IDO2: variants seen among roughly 807,000 people sequenced by gnomAD.
IDO2 encodes the protein indoleamine 2,3-dioxygenase-like 1 protein.
A neutral mutation model predicts 45.1 loss-of-function variants in IDO2; 46 were observed. The ratio of observed to expected loss-of-function variants is 1.02; its 90% confidence interval spans 0.80 to 1.30. The LOEUF is 1.30. IDO2 is among the 50% of genes most tolerant of loss of function. The pLI, the probability that IDO2 is intolerant of heterozygous loss-of-function variation, is 0.00. For synonymous variants in IDO2, 218 were observed against 184.9 expected (o/e 1.18, Z -1.45); for missense variants, 544 against 491.8 (o/e 1.11, Z -1.00).
chr8:39,941,221 C>CAAAAAAAAAAAAA lies in IDO2; in HGVS notation c.-18+6009_-18+6021dup, dbSNP rs59745370. 9.9e-5 allele frequency among the ~76,000 whole-genome samples: 8 copies of CAAAAAAAAAAAAA among 80,542 alleles called. 1 individual carries two copies. Among genetic ancestry groups the CAAAAAAAAAAAAA allele is most frequent in the African/African-American group, 3.7e-4 (6 of 16,344 alleles). The allele number at this position is 80,542 out of a possible 152,430, so 52.8% of individuals were successfully genotyped here. A position where few individuals can be genotyped will look rare whatever the true frequency, so the allele number is the denominator to read the frequency against. ...TGGGTGACAAAGCAAGACTCCATCTCAAAAAAAAAAAAAAAAAAGCCTCCT... is the reference window on the plus strand; with the variant it reads ...TGGGTGACAAAGCAAGACTCCATCTCAAAAAAAAAAAAAAAAAAAAAAAAAAAAAAAGCCTCCT... On this transcript the variant is annotated intron_variant, in intron 1 of 10. Coordinates refer to ENST00000502986, the Ensembl canonical transcript of IDO2.
intron 1 of IDO2, among the ~76,000 whole-genome samples, chr8:39,946,223 C>T (rs1807726860): frequency 6.6e-6 from 1 of 152,184 alleles, no homozygotes. Flanking sequence ...ACTGACTCAG[C>T]ACAAGAAGAG....
intron 4 of IDO2, among the ~76,000 whole-genome samples, 199 bp downstream of exon 4, chr8:39,979,385 C>A (rs1808308757): frequency 6.6e-6 from 1 of 152,174 alleles, no homozygotes; most frequent in Non-Finnish European, 1.5e-5. Flanking sequence ...GAGCCAGTCT[C>A]ACTCTGTCAC....
chr8:40,015,446 C>T (rs530047396), exon 11 of IDO2: 2 of 1,613,962 alleles, frequency 1.2e-6, no homozygotes, highest in African/African-American at 1.3e-5. Flanking sequence ...AATACCTCAT[C>T]ACAGCTGCAG....
intron 9 of IDO2, among the ~76,000 whole-genome samples, chr8:40,011,776 T>C (rs1362339972): frequency 6.6e-6 from 1 of 152,234 alleles, no homozygotes; most frequent in Non-Finnish European, 1.5e-5. Context: ...AAGCTGAGGC[T>C]CAGAGAGGTT....
chr8:40,015,626 G>T (rs372601729), exon 11 of IDO2: 3 of 1,555,034 alleles, frequency 1.9e-6, no homozygotes, highest in Non-Finnish European at 2.6e-6. Context: ...CCCCAGCAAT[G>T]CAGAGCCCCC....
intron 4 of IDO2, among the ~76,000 whole-genome samples, chr8:39,980,153 C>T (rs1808321536): frequency 6.6e-6 from 1 of 152,166 alleles, no homozygotes; most frequent in African/African-American, 2.4e-5. Flanking sequence ...ATAAAAACCT[C>T]ACAGCATTTT....
chr8:40,014,614 C>T (rs1802359271), intron 10 of IDO2, among the ~76,000 whole-genome samples: 1 of 152,174 alleles, frequency 6.6e-6, no homozygotes, highest in African/African-American at 2.4e-5. Flanking sequence ...TGAAGATATT[C>T]CTTATAGCAG....
intron 4 of IDO2, among the ~76,000 whole-genome samples, chr8:39,981,661 C>T (rs921343052): frequency 6.6e-6 from 1 of 152,076 alleles, no homozygotes; most frequent in African/African-American, 2.4e-5. Context: ...AAAGTTTACC[C>T]GAGGTTCACA....
chr8:40,016,064 C>T (rs1169797961), exon 11 of IDO2: 2 of 391,560 alleles, frequency 5.1e-6, no homozygotes, highest in African/African-American at 4.1e-5. Context: ...CCCTCTTCTC[C>T]CTGAATGTGT....
chr8:39,997,196 A>G (rs1802057381), intron 8 of IDO2, among the ~76,000 whole-genome samples: 1 of 152,214 alleles, frequency 6.6e-6, no homozygotes, highest in African/African-American at 2.4e-5. Context: ...GGCAGACTTT[A>G]TGAATTAACC....
Position 39,977,039 on chromosome 8 carries a change from C to T in IDO2, c.196-2028C>T, listed in dbSNP as rs376517455. Among the ~76,000 whole-genome samples the T allele has an allele frequency of 2.0e-3, 302 of 151,456 alleles. 11 individuals carry two copies. The South Asian group carries it at 0.05, about 25-fold the overall frequency. ...AATGTATCTTTCAAATGTGTCTAGA[C>T]GTAATAAAAATAATTATATAACACT... On this transcript the variant is annotated intron_variant, in intron 3 of 10. Transcript: ENST00000502986.
exon 4 of IDO2, chr8:39,979,079 A>C (rs1368945279): frequency 6.3e-7 from 1 of 1,587,588 alleles, no homozygotes; most frequent in African/African-American, 1.3e-5. Flanking sequence ...GCCCCTGCTG[A>C]GCTGCCAGTT....
At chr8:40,013,076 T>C (rs1004302656) in intron 9 of IDO2, among the ~76,000 whole-genome samples, 1 of 152,176 alleles carries the variant, frequency 6.6e-6, no homozygotes, top group Non-Finnish European at 1.5e-5. Context: ...AAGGTGTGTG[T>C]GTGTGTGTGT....
chr8:39,938,208 T>G (rs1807586675), intron 1 of IDO2, among the ~76,000 whole-genome samples: 1 of 152,126 alleles, frequency 6.6e-6, no homozygotes. Flanking sequence ...TTTGGGAGGC[T>G]GAGGTGGGAC....
intron 8 of IDO2, among the ~76,000 whole-genome samples, chr8:40,001,865 C>A (rs570948140): frequency 6.6e-6 from 1 of 152,180 alleles, no homozygotes; most frequent in East Asian, 1.9e-4. Flanking sequence ...CAGCTCACTG[C>A]AACCTCTGCC....
rs1029307107 is a variant in IDO2, at chr8:39,962,380, T to C, written c.100-1228T>C. The stretch of plus-strand genomic sequence containing the variant: ...AAAGGCTTCCTTATCTGACTTTATA[T>C]CTTAAAGTCCTACAAATTTATCTTC... On this transcript the variant is annotated intron_variant, in intron 2 of 10. Transcript: ENST00000502986. 1.3e-5 allele frequency among the ~76,000 whole-genome samples: 2 copies of C among 152,238 alleles called. 1 individual carries two copies. The highest frequency in any genetic ancestry group is 2.9e-5 in the Non-Finnish European group (2 of 68,046).
intron 9 of IDO2, among the ~76,000 whole-genome samples, chr8:40,011,075 T>C (rs1417784392): frequency 1.3e-5 from 2 of 152,060 alleles, no homozygotes; most frequent in Middle Eastern, 3.2e-3. Context: ...CATACCAGGC[T>C]AATTTTTGTG....
chr8:39,944,445 T>C (rs940560815), intron 1 of IDO2, among the ~76,000 whole-genome samples: 16 of 152,298 alleles, frequency 1.1e-4, no homozygotes, highest in Non-Finnish European at 2.1e-4. Context: ...TCCACCTGAA[T>C]TGACTCTCCC....
rs1802073755 is a variant in IDO2 at position 39,997,930 on chromosome 8, G to T, written c.668-7397G>T. 1.8e-5 allele frequency: 4 copies of T among 219,732 alleles called. No individual in the cohort carries two copies. The South Asian group carries it at 3.3e-4, about 18-fold the overall frequency. 13.6% of individuals were successfully genotyped at this position (219,732 alleles called of 1,614,324 possible). A position where few individuals can be genotyped will look rare whatever the true frequency, so the allele number is the denominator to read the frequency against. On this transcript the variant is annotated intron_variant, in intron 8 of 10. Transcript: ENST00000502986. ...TGGTGGTACATAAGTCATAACATTT[G>T]TTGCTGCCCAGCAGCAGGTATGAAG...
Sources: allele counts gnomAD v4.1 joint callset (sites outside exome capture counted in the v4.1 genomes callset), GRCh38; gene constraint gnomAD v4.1.1; transcripts MANE v1.5; gene names NCBI Gene and HGNC (gene_info 2026-07-23, HGNC 2026-07-21).